The following PTPRG variants were observed in gnomAD, a reference collection of about 807,000 sequenced individuals.
The protein encoded by PTPRG is receptor-type tyrosine-protein phosphatase gamma.
PTPRG carries 102 observed loss-of-function variants against 165.3 expected under a neutral mutation model. The observed-to-expected ratio is 0.62, with a 90% CI of 0.53 to 0.73. PTPRG has a LOEUF of 0.73. Among genes scored for constraint, PTPRG ranks in the 30% least tolerant of loss-of-function variants. The pLI is 0.00. For synonymous variants in PTPRG, 675 were observed against 669.5 expected (o/e 1.01, Z -0.13); for missense variants, 1,866 against 1,861.4 (o/e 1.00, Z -0.05).
chr3:62,185,584 A>C (rs932123084), intron 8 of PTPRG, among the ~76,000 whole-genome samples: 11 of 152,094 alleles, frequency 7.2e-5, no homozygotes, highest in Admixed American at 3.9e-4. Flanking sequence ...GGTGGAGACT[A>C]TGGCAAAAAA....
At chr3:62,128,974 G>A (rs542194315) in intron 5 of PTPRG, among the ~76,000 whole-genome samples, 1 of 152,144 alleles carries the variant, frequency 6.6e-6, no homozygotes, top group Non-Finnish European at 1.5e-5. Context: ...ATAGACCAGA[G>A]AATGAGCTCA....
chr3:62,040,979 A>C (rs1700109581), intron 4 of PTPRG, among the ~76,000 whole-genome samples: 1 of 152,198 alleles, frequency 6.6e-6, no homozygotes, highest in African/African-American at 2.4e-5. Context: ...GATGCAGATG[A>C]ACAGACCAAA....
At chr3:61,638,591 G>GTTTTTTTTTTTTTTTTTTTTTTTT (rs34396141) in intron 1 of PTPRG, among the ~76,000 whole-genome samples, 2 of 58,704 alleles carry the variant, frequency 3.4e-5, no homozygotes, top group African/African-American at 1.3e-4. Flanking sequence ...TGCCTGGCTA[G>GTTTTTTTTTTTTTTTTTTTTTTTT]TTTTTTTTTT....
intron 1 of PTPRG, among the ~76,000 whole-genome samples, chr3:61,566,662 T>C (rs867434942): frequency 6.6e-6 from 1 of 152,166 alleles, no homozygotes; most frequent in African/African-American, 2.4e-5. Flanking sequence ...CACGTGCCAC[T>C]ATGCCTAGCT....
At chr3:62,106,003 T>C (rs2106841388) in intron 5 of PTPRG, among the ~76,000 whole-genome samples, 1 of 152,316 alleles carries the variant, frequency 6.6e-6, no homozygotes, top group South Asian at 2.1e-4. Context: ...TTTTTCTGCC[T>C]TATAAATATC....
intron 12 of PTPRG, among the ~76,000 whole-genome samples, chr3:62,212,271 T>C (rs1700376597): frequency 6.6e-6 from 1 of 152,180 alleles, no homozygotes; most frequent in Non-Finnish European, 1.5e-5. Flanking sequence ...TGGGTATCAG[T>C]TGATACTCCT....
intron 6 of PTPRG, among the ~76,000 whole-genome samples, chr3:62,140,809 T>A (rs1703897553): frequency 7.2e-6 from 1 of 138,392 alleles, no homozygotes; most frequent in African/African-American, 2.8e-5. Context: ...ATTAAGCCAC[T>A]GCACTCCAGC....
chr3:61,710,740 C>A (rs990594187), intron 1 of PTPRG, among the ~76,000 whole-genome samples: 9 of 151,910 alleles, frequency 5.9e-5, no homozygotes, highest in African/African-American at 1.5e-4. Flanking sequence ...CTGATTTAGA[C>A]CCTTGTTCAT....
intron 2 of PTPRG, among the ~76,000 whole-genome samples, chr3:61,945,292 G>T (rs1402668642): frequency 2.6e-5 from 4 of 152,114 alleles, no homozygotes; most frequent in African/African-American, 9.7e-5. Flanking sequence ...AGGTGCTATG[G>T]CTCACGCCTG....
chr3:61,787,548 A>G (rs2034744374), intron 2 of PTPRG, among the ~76,000 whole-genome samples: 1 of 152,210 alleles, frequency 6.6e-6, no homozygotes, highest in African/African-American at 2.4e-5. Flanking sequence ...CCCCTAAGTA[A>G]TGCGGGACAG....
intron 1 of PTPRG, among the ~76,000 whole-genome samples, chr3:61,738,288 A>T (rs1353311797): frequency 1.4e-5 from 1 of 69,872 alleles, no homozygotes; most frequent in East Asian, 3.7e-4. Flanking sequence ...ACATATATAT[A>T]TATATATATA....
chr3:61,730,199 CT>C lies in PTPRG; in HGVS notation c.86-18678del, dbSNP rs1559578772. Among the ~76,000 whole-genome samples the C allele has an allele frequency of 2.0e-5, 3 of 152,206 alleles. No individual in the cohort carries two copies. The East Asian group carries it at 5.8e-4, about 29-fold the overall frequency. On this transcript the variant is annotated intron_variant, in intron 1 of 29. Coordinates refer to ENST00000474889, the MANE Select transcript of PTPRG (RefSeq NM_002841.4). ...GTGTTGGCAGAACCAGGGGCTTGTC[CT>C]GCTGGGCTGGAGCCCACCAACTGTT...
At chr3:62,159,631 G>A (rs958999479) in intron 7 of PTPRG, among the ~76,000 whole-genome samples, 2 of 152,022 alleles carry the variant, frequency 1.3e-5, no homozygotes, top group African/African-American at 2.4e-5. Context: ...CCACCCATAC[G>A]CTCAAAGAAG....
intron 15 of PTPRG, among the ~76,000 whole-genome samples, chr3:62,250,312 T>C (rs754591643): frequency 1.3e-5 from 2 of 152,160 alleles, no homozygotes; most frequent in Admixed American, 1.3e-4. Context: ...TCTGGCTTCC[T>C]GATACACAGC....
chr3:62,234,935 T>G (rs921666183), intron 14 of PTPRG, among the ~76,000 whole-genome samples: 24 of 145,904 alleles, frequency 1.6e-4, no homozygotes, highest in African/African-American at 6.1e-4. Context: ...CTGAATCTAC[T>G]TCCCCCCCCC....
intron 3 of PTPRG, among the ~76,000 whole-genome samples, chr3:61,996,230 C>T (rs1179038307): frequency 5.3e-5 from 8 of 152,042 alleles, no homozygotes; most frequent in Admixed American, 5.2e-4. Flanking sequence ...ATGGGGAGGG[C>T]CTGGAAAAGT....
At chr3:61,935,509 T>A (rs1559698657) in intron 2 of PTPRG, among the ~76,000 whole-genome samples, 1 of 152,098 alleles carries the variant, frequency 6.6e-6, no homozygotes, top group African/African-American at 2.4e-5. Flanking sequence ...TTGATCTTTC[T>A]CCAGATGCAA....
At chr3:61,755,595 G>A (rs867431895) in intron 2 of PTPRG, among the ~76,000 whole-genome samples, 3 of 152,166 alleles carry the variant, frequency 2.0e-5, no homozygotes, top group Admixed American at 6.5e-5. Context: ...AATGTGAAGG[G>A]CCAGAGAAGC....
At chr3:61,938,551 C>T (rs908366506) in intron 2 of PTPRG, among the ~76,000 whole-genome samples, 13 of 152,168 alleles carry the variant, frequency 8.5e-5, no homozygotes, top group Non-Finnish European at 1.5e-5. Flanking sequence ...TGATGAATAT[C>T]CCCGTGTTTG....
Sources: allele counts gnomAD v4.1 joint callset (sites outside exome capture counted in the v4.1 genomes callset), GRCh38; gene constraint gnomAD v4.1.1; transcripts MANE v1.5; gene names NCBI Gene and HGNC (gene_info 2026-07-23, HGNC 2026-07-21).